CACNA1C: variants seen among roughly 807,000 people sequenced by gnomAD.
CACNA1C encodes the protein voltage-dependent L-type calcium channel subunit alpha-1C.
CACNA1C carries 30 observed loss-of-function variants against 229.0 expected under a neutral mutation model. The observed-to-expected ratio is 0.13, with a 90% CI of 0.10 to 0.18. The LOEUF (loss-of-function observed/expected upper bound fraction) is 0.18, where lower values mean the gene tolerates loss of function less well. Among genes scored for constraint, CACNA1C ranks in the 10% least tolerant of loss-of-function variants. The pLI is 1.00. For missense variants in CACNA1C, 1,658 were observed against 2,845.0 expected (o/e 0.58, Z 9.49); for synonymous variants, 1,114 against 1,132.5 (o/e 0.98, Z 0.33).
At chr12:2,272,033 G>GC (rs2085261774) in intron 3 of CACNA1C, among the ~76,000 whole-genome samples, 2 of 152,184 alleles carry the variant, frequency 1.3e-5, no homozygotes, top group African/African-American at 4.8e-5. Flanking sequence ...GAGAGATGGA[G>GC]CATCCGCAAG....
At chr12:2,092,643 T>G (rs919253510) in intron 1 of CACNA1C, among the ~76,000 whole-genome samples, 6 of 152,312 alleles carry the variant, frequency 3.9e-5, no homozygotes, top group Admixed American at 2.0e-4. Context: ...TGGGTCCTTG[T>G]GTCATTCTTC....
intron 3 of CACNA1C, among the ~76,000 whole-genome samples, chr12:2,203,366 G>A (rs1030511376): frequency 6.6e-6 from 1 of 152,130 alleles, no homozygotes; most frequent in Non-Finnish European, 1.5e-5. Flanking sequence ...CGTTGTTAGG[G>A]GCTGTCTCAC....
intron 3 of CACNA1C, among the ~76,000 whole-genome samples, chr12:2,162,916 C>T (rs2095970840): frequency 6.6e-6 from 1 of 152,192 alleles, no homozygotes; most frequent in Non-Finnish European, 1.5e-5. Context: ...AGAATAATCT[C>T]TGCCCCTCAT....
At chr12:2,468,995 G>GTTAGT (rs1230738485) in intron 5 of CACNA1C, among the ~76,000 whole-genome samples, 1 of 151,344 alleles carries the variant, frequency 6.6e-6, no homozygotes, top group African/African-American at 2.4e-5. Flanking sequence ...TTGCATGTTA[G>GTTAGT]TTAGTTTAGT....
At position 2,345,058 on chromosome 12, in the gene CACNA1C, C is replaced by T. The variant is rs1487464086; in HGVS notation, c.478-103918C>T. ...ACCATACTAGATCAAGCTCTCTGGC[C>T]GTGAGCCCCATGTCTGTGGGTTTGA... is the stretch of plus-strand genomic sequence containing the variant. On this transcript the variant is annotated intron_variant, in intron 3 of 46. Transcript: ENST00000399655. 2.7e-5 allele frequency among the ~76,000 whole-genome samples: 4 copies of T among 148,682 alleles called. No homozygotes were observed. In the East Asian group the frequency reaches 5.9e-4, roughly 22 times the overall value.
intron 5 of CACNA1C, among the ~76,000 whole-genome samples, chr12:2,463,286 A>C (rs1244172893): frequency 6.6e-6 from 1 of 152,204 alleles, no homozygotes; most frequent in Non-Finnish European, 1.5e-5. Flanking sequence ...ATGGAAATAG[A>C]TGATTGCGAG....
intron 6 of CACNA1C, among the ~76,000 whole-genome samples, chr12:2,490,055 T>C (rs992325720): frequency 1.3e-5 from 2 of 152,278 alleles, no homozygotes; most frequent in African/African-American, 2.4e-5. Context: ...GCTTTAGCGC[T>C]TTTTATAGAT....
chr12:2,394,130 A>G (rs2098533509), intron 3 of CACNA1C, among the ~76,000 whole-genome samples: 1 of 151,056 alleles, frequency 6.6e-6, no homozygotes, highest in Non-Finnish European at 1.5e-5. Flanking sequence ...AAAAAAGGAA[A>G]AGGAGGGACA....
intron 3 of CACNA1C, among the ~76,000 whole-genome samples, chr12:2,125,689 A>C (rs889969173): frequency 2.0e-5 from 3 of 152,080 alleles, no homozygotes; most frequent in Non-Finnish European, 4.4e-5. Context: ...TTGAATTTTT[A>C]ATAAGCTCCC....
chr12:2,062,675 C>T (rs1594757202), intron 1 of CACNA1C, among the ~76,000 whole-genome samples: 3 of 152,174 alleles, frequency 2.0e-5, no homozygotes, highest in Admixed American at 2.0e-4. Context: ...GGGTTTCTGC[C>T]AGGGCCCTCC....
intron 1 of CACNA1C, among the ~76,000 whole-genome samples, chr12:2,102,200 C>T (rs2076689994): frequency 6.6e-6 from 1 of 152,142 alleles, no homozygotes; most frequent in Non-Finnish European, 1.5e-5. Context: ...GAGCATCTTC[C>T]CCGTATACTT....
At position 2,608,724 on chromosome 12, in the gene CACNA1C, G is replaced by A; in HGVS notation, c.3558+12G>A. 6.2e-7 allele frequency: 1 copy of A among 1,613,404 alleles called. No individual in the cohort carries two copies. On this transcript the variant is annotated intron_variant, in intron 27 of 46. Coordinates refer to ENST00000399655, the MANE Select transcript of CACNA1C (RefSeq NM_000719.7). This position sits in a 1 kb window ranked among gnomAD's most constrained non-coding sequence, Gnocchi z 4.2. ...TGGACAAGAACCAGGTAGCTTCCTAGGAAGGAGCGGAGGGAAGCGGGGCCC... is the reference window on the plus strand; with the variant it reads ...TGGACAAGAACCAGGTAGCTTCCTAAGAAGGAGCGGAGGGAAGCGGGGCCC...
intron 3 of CACNA1C, among the ~76,000 whole-genome samples, chr12:2,243,316 T>C (rs1035378494): frequency 6.6e-6 from 1 of 152,174 alleles, no homozygotes; most frequent in African/African-American, 2.4e-5. Context: ...TGGTAAGTAA[T>C]TGCTGATGAA....
intron 1 of CACNA1C, among the ~76,000 whole-genome samples, chr12:2,090,305 G>A (rs1595570506): frequency 7.4e-6 from 1 of 134,778 alleles, no homozygotes; most frequent in Non-Finnish European, 1.6e-5. Flanking sequence ...TTTATGGATA[G>A]ACTACTTTTT....
At chr12:2,265,875 T>C (rs563040140) in intron 3 of CACNA1C, among the ~76,000 whole-genome samples, 2 of 152,348 alleles carry the variant, frequency 1.3e-5, no homozygotes, top group East Asian at 1.9e-4. Flanking sequence ...CAGTTCTCTG[T>C]AGCCTCCTGG....
chr12:2,601,115 A>G lies in CACNA1C; in HGVS notation c.2854-739A>G, dbSNP rs1030258798. Among the ~76,000 whole-genome samples the G allele has an allele frequency of 6.6e-6, 1 of 152,106 alleles. No homozygotes were observed. The highest frequency in any genetic ancestry group is 1.5e-5 in the Non-Finnish European group (1 of 68,016). ...GCCTCATAGCCCCTCTGATCACACA[A>G]CTTTTGCCCTTAAAGAACTCCAGAT... On this transcript the variant is annotated intron_variant, in intron 21 of 46. Coordinates refer to ENST00000399655, the MANE Select transcript of CACNA1C (RefSeq NM_000719.7). The surrounding 1 kb of genome is among the most constrained non-coding windows in gnomAD (Gnocchi z 5.9).
chr12:2,502,685 C>T (rs2154576648), intron 7 of CACNA1C, among the ~76,000 whole-genome samples: 1 of 152,274 alleles, frequency 6.6e-6, no homozygotes, highest in East Asian at 1.9e-4. Context: ...CACTTCATAC[C>T]AGTCAGACTA....
intron 3 of CACNA1C, among the ~76,000 whole-genome samples, chr12:2,211,272 T>C (rs147305735): frequency 6.6e-6 from 1 of 152,244 alleles, no homozygotes; most frequent in Non-Finnish European, 1.5e-5. Context: ...CCCACTTTCT[T>C]ACACCTCACA....
At chr12:2,151,884 T>C (rs2095292560) in intron 3 of CACNA1C, among the ~76,000 whole-genome samples, 1 of 152,342 alleles carries the variant, frequency 6.6e-6, no homozygotes, top group East Asian at 1.9e-4. Flanking sequence ...GCTTAATGCT[T>C]GCCAGGTATA....
Sources: gnomAD v4.1 joint callset for allele counts (sites outside exome capture counted in the v4.1 genomes callset) on GRCh38, gnomAD v4.1.1 for gene constraint, Gnocchi (gnomAD v3.1) non-coding constraint, MANE v1.5 for transcripts, NCBI Gene and HGNC (gene_info 2026-07-23, HGNC 2026-07-21) for gene names.